The following MAEL variants were observed in gnomAD, a reference collection of about 807,000 sequenced individuals.
MAEL encodes maelstrom spermatogenic transposon silencer, also known as protein maelstrom homolog.
A neutral mutation model predicts 62.0 loss-of-function variants in MAEL; 46 were observed. The ratio of observed to expected loss-of-function variants is 0.74; its 90% CI spans 0.59 to 0.95. The LOEUF (loss-of-function observed/expected upper bound fraction) is 0.95. MAEL is among the 40% of genes least tolerant of loss of function. MAEL has a pLI of 0.00. For missense variants in MAEL, 497 were observed against 526.8 expected (o/e 0.94, Z 0.55); for synonymous variants, 172 against 175.5 (o/e 0.98, Z 0.16).
intron 1 of MAEL, among the ~76,000 whole-genome samples, chr1:166,982,155 C>G (rs995855531): frequency 4.6e-5 from 7 of 152,176 alleles, no homozygotes; most frequent in African/African-American, 1.7e-4. Context: ...GGTTGAGTTA[C>G]TAAAGATCTG....
intron 8 of MAEL, among the ~76,000 whole-genome samples, chr1:167,006,862 C>T (rs1043185884): frequency 6.6e-6 from 1 of 151,654 alleles, no homozygotes; most frequent in African/African-American, 2.4e-5. Flanking sequence ...TCTTGAACTC[C>T]TCACCTCACG....
At chr1:166,984,363 G>GA, upstream of MAEL, among the ~76,000 whole-genome samples, 1 of 152,210 alleles carries the variant, frequency 6.6e-6, no homozygotes, top group African/African-American at 2.4e-5. Context: ...TCTCCAAATA[G>GA]AAAACATGAC....
chr1:166,977,743 C>T (rs1217000450), intron 1 of MAEL, among the ~76,000 whole-genome samples: 3 of 152,118 alleles, frequency 2.0e-5, no homozygotes, highest in Non-Finnish European at 2.9e-5. Flanking sequence ...TGCTTGAGCT[C>T]AGGAATTTGA....
At chr1:166,978,060 C>T (rs1028294408) in intron 1 of MAEL, among the ~76,000 whole-genome samples, 16 of 152,132 alleles carry the variant, frequency 1.1e-4, no homozygotes, top group African/African-American at 3.6e-4. Flanking sequence ...TGAAGTGGAA[C>T]GTGAATGCCC....
chr1:167,005,916 C>T (rs1409064405), intron 8 of MAEL: 1 of 152,178 alleles, frequency 6.6e-6, no homozygotes, highest in Non-Finnish European at 1.5e-5. Context: ...CCTCTTTATA[C>T]CTAAATACTT....
chr1:167,014,271 A>C (rs1177901369), intron 8 of MAEL, among the ~76,000 whole-genome samples: 1 of 152,208 alleles, frequency 6.6e-6, no homozygotes, highest in Non-Finnish European at 1.5e-5. Flanking sequence ...ACCATCTTGA[A>C]CCAGAAACCC....
intron 3 of MAEL, 115 bp downstream of exon 3, chr1:166,991,592 C>A: frequency 1.5e-6 from 1 of 646,886 alleles, no homozygotes; most frequent in Non-Finnish European, 2.8e-6. Flanking sequence ...TAAATAACTG[C>A]AAGTGTTAAA....
At chr1:167,019,527 T>C (rs778120183) in intron 10 of MAEL, among the ~76,000 whole-genome samples, 2 of 152,136 alleles carry the variant, frequency 1.3e-5, no homozygotes, top group Non-Finnish European at 1.5e-5. Flanking sequence ...TTCAGGTATC[T>C]TCAGTTTCTT....
rs532294962 is a variant in MAEL at position 167,005,141 on chromosome 1, C to T, written c.703+11C>T. The T allele has an allele frequency of 2.5e-5, 40 of 1,613,366 alleles. No individual in the cohort carries two copies. Among genetic ancestry groups the T allele is most frequent in the East Asian group, 4.5e-5 (2 of 44,860 alleles). ...TGGCAAAGGCATCAGGTAAGTAAAA[C>T]TCTGGGTTGCTGCAGAAGTGCTTTA... On this transcript the variant is annotated intron_variant, in intron 7 of 11. Transcript: ENST00000367872.
chr1:167,011,222 T>C (rs1665160247), intron 8 of MAEL, among the ~76,000 whole-genome samples: 2 of 152,192 alleles, frequency 1.3e-5, no homozygotes, highest in Non-Finnish European at 2.9e-5. Flanking sequence ...CATATAAAGG[T>C]TGGGGTAGGA....
intron 8 of MAEL, among the ~76,000 whole-genome samples, chr1:167,012,011 T>A (rs1665189469): frequency 6.6e-6 from 1 of 152,198 alleles, no homozygotes; most frequent in African/African-American, 2.4e-5. Context: ...TGTAGGCACT[T>A]TACTAAACTT....
chr1:166,995,882 C>T (rs1009140288), intron 5 of MAEL, among the ~76,000 whole-genome samples: 12 of 152,014 alleles, frequency 7.9e-5, no homozygotes, highest in Non-Finnish European at 1.3e-4. Flanking sequence ...CTATTTTTGA[C>T]GACCTATTTT....
At chr1:166,978,820 G>A (rs1663674480) in intron 1 of MAEL, among the ~76,000 whole-genome samples, 1 of 152,208 alleles carries the variant, frequency 6.6e-6, no homozygotes, top group Admixed American at 6.5e-5. Context: ...TCACAGCCAA[G>A]GAAGGGGTCT....
At position 167,005,305 on chromosome 1, in the gene MAEL, G is replaced by A. The variant is rs942545696; in HGVS notation, c.753G>A (p.Gly251=). The A allele has an allele frequency of 6.2e-7, 1 of 1,613,610 alleles. No homozygotes were observed. Residue 251 remains glycine (G), a synonymous_variant, in exon 8 of 12, where the codon GGG becomes GGA. Coordinates refer to ENST00000367872, the MANE Select transcript of MAEL (RefSeq NM_032858.3). ...TCACTGTAGAGGACCTTGTAGTGGG[G>A]ATCTACCAACAAAAATTTCTCAAGG... ...QLLTVEDLVV[G]IYQQKFLKEP...
In MAEL at chr1:166,989,435, C is replaced by A; in HGVS notation, c.83C>A (p.Pro28His). 6.3e-7 allele frequency: 1 copy of A among 1,594,358 alleles called. No homozygotes were observed. ...KIPELRRRGL[P>H]VARVADAIPY... ...CCCGAACTACGGCGACGAGGCCTGCCTGTGGCTCGCGTTGCTGATGCCATC... is the reference window on the plus strand; with the variant it reads ...CCCGAACTACGGCGACGAGGCCTGCATGTGGCTCGCGTTGCTGATGCCATC... Residue 28 changes from proline (P) to histidine (H), a missense_variant, in exon 1 of 12, where the codon CCT (proline) becomes CAT (histidine). By Grantham distance (77) the Pro-to-His change is moderately conservative. Coordinates refer to ENST00000367872, the MANE Select transcript of MAEL (RefSeq NM_032858.3).
intron 8 of MAEL, among the ~76,000 whole-genome samples, chr1:167,015,700 C>T (rs900161876): frequency 1.3e-5 from 2 of 152,162 alleles, no homozygotes; most frequent in Non-Finnish European, 2.9e-5. Context: ...TTCATTGACA[C>T]TTTATCTAAA....
At chr1:167,015,746 T>G (rs1665362133) in intron 8 of MAEL, among the ~76,000 whole-genome samples, 3 of 152,236 alleles carry the variant, frequency 2.0e-5, no homozygotes, top group Admixed American at 2.0e-4. Flanking sequence ...ATTATCTTTT[T>G]ATTTTTAAAT....
upstream of MAEL, among the ~76,000 whole-genome samples, chr1:166,984,874 A>G (rs565787181): frequency 6.6e-6 from 1 of 152,298 alleles, no homozygotes; most frequent in South Asian, 2.1e-4. Context: ...CCTGCTCCTC[A>G]TAGAGGTTTG....
chr1:166,988,553 C>T (rs962022586), upstream of MAEL, among the ~76,000 whole-genome samples: 8 of 151,832 alleles, frequency 5.3e-5, no homozygotes, highest in African/African-American at 1.7e-4. Flanking sequence ...CCAACTAGCA[C>T]GATGTAAACT....
Sources: allele counts gnomAD v4.1 joint callset (sites outside exome capture counted in the v4.1 genomes callset), GRCh38; gene constraint gnomAD v4.1.1; transcripts MANE v1.5; gene names NCBI Gene and HGNC (gene_info 2026-07-23, HGNC 2026-07-21).